The following DCAF17 variants were observed in gnomAD, a reference collection of about 807,000 sequenced individuals.
DCAF17 encodes the protein DDB1 and CUL4 associated factor 17.
Under a neutral mutation model 66.0 loss-of-function variants are expected in DCAF17, and 48 were observed. The ratio of observed to expected loss-of-function variants is 0.73; its 90% CI spans 0.58 to 0.92. DCAF17 has a LOEUF of 0.92. Among genes scored for constraint, DCAF17 ranks in the 40% least tolerant of loss-of-function variants. DCAF17 has a pLI of 0.00. For missense variants in DCAF17, 562 were observed against 622.8 expected, an observed-to-expected ratio of 0.90 and a Z score of 1.04; for synonymous variants, 206 against 214.6, an observed-to-expected ratio of 0.96 and a Z score of 0.35.
intron 9 of DCAF17, among the ~76,000 whole-genome samples, chr2:171,470,584 C>G (rs1696189390): frequency 1.3e-5 from 2 of 152,136 alleles, no homozygotes; most frequent in African/African-American, 2.4e-5. Context: ...GTGACGTTCT[C>G]TTTTATAAAG....
chr2:171,449,862 C>G lies in DCAF17; in HGVS notation c.459-17C>G. On this transcript the variant is annotated splice_polypyrimidine_tract_variant and intron_variant, in intron 4 of 13. Transcript: ENST00000375255. ...AACTGACCCAAATAAATAAACTTCTCTTCATTCTTTTAAAAGATACTTGAG... is the reference window on the plus strand; with the variant it reads ...AACTGACCCAAATAAATAAACTTCTGTTCATTCTTTTAAAAGATACTTGAG... The G allele has an allele frequency of 6.2e-7, 1 of 1,606,276 alleles. No homozygotes were observed. Among genetic ancestry groups the G allele is most frequent in the Non-Finnish European group, 8.5e-7 (1 of 1,174,662 alleles).
chr2:171,437,223 C>T (rs1298702031), intron 2 of DCAF17, among the ~76,000 whole-genome samples: 1 of 152,042 alleles, frequency 6.6e-6, no homozygotes, highest in Non-Finnish European at 1.5e-5. Flanking sequence ...AGTTTTAGCT[C>T]ATATTTAGGT....
At chr2:171,464,782 T>C (rs903423785) in intron 8 of DCAF17, among the ~76,000 whole-genome samples, 1 of 152,206 alleles carries the variant, frequency 6.6e-6, no homozygotes, top group Non-Finnish European at 1.5e-5. Flanking sequence ...TTAGCCGTTC[T>C]TTTTTGATTA....
At chr2:171,447,293 T>C in intron 3 of DCAF17, 1 of 236,478 alleles carries the variant, frequency 4.2e-6, no homozygotes, top group Non-Finnish European at 8.7e-6. Flanking sequence ...TAACTATGTC[T>C]TCATTCTTTT....
At chr2:171,455,003 A>G (rs998372968) in intron 6 of DCAF17, among the ~76,000 whole-genome samples, 1 of 151,018 alleles carries the variant, frequency 6.6e-6, no homozygotes, top group African/African-American at 2.4e-5. Flanking sequence ...TCAGGGGTAC[A>G]TGTGCATTAT....
intron 8 of DCAF17, among the ~76,000 whole-genome samples, chr2:171,467,541 T>C (rs1380470233): frequency 6.6e-6 from 1 of 151,774 alleles, no homozygotes; most frequent in Non-Finnish European, 1.5e-5. Context: ...AGACAAAAAC[T>C]AGCTGAGTGT....
chr2:171,474,155 C>T, intron 10 of DCAF17, 180 bp downstream of exon 10: 3 of 620,914 alleles, frequency 4.8e-6, no homozygotes, highest in Admixed American at 2.7e-5. Context: ...CTCAACATTA[C>T]TGTTTGTAAA....
intron 4 of DCAF17, 21 bp from the exon 5 acceptor site, chr2:171,449,858 T>TTC: frequency 6.2e-7 from 1 of 1,601,990 alleles, no homozygotes; most frequent in Non-Finnish European, 8.5e-7. Context: ...ATAAATAAAC[T>TTC]TCTCTTCATT....
chr2:171,473,274 G>A (rs979366157), intron 9 of DCAF17, among the ~76,000 whole-genome samples: 1 of 152,142 alleles, frequency 6.6e-6, no homozygotes, highest in African/African-American at 2.4e-5. Flanking sequence ...GAAAGTCCAT[G>A]GATTTTGGAG....
In DCAF17 at chr2:171,481,082, G is replaced by A; in HGVS notation, c.1531G>A (p.Glu511Lys). 3 of 1,613,704 alleles carry A rather than the reference G, an allele frequency of 1.9e-6. No homozygotes were observed. The highest frequency in any genetic ancestry group is 2.5e-6 in the Non-Finnish European group (3 of 1,179,658). ...YVYQMICDTG[E>K]EEETINRSC ...TTACCAGATGATATGTGACACTGGG[G>A]AAGAAGAAGAAACCATAAACAGAAG... The change falls in exon 14 of 14, where the codon GAA (glutamate) becomes AAA (lysine). Residue 511 changes from glutamate (E) to lysine (K), a missense_variant. Glu to Lys is a moderately conservative substitution (Grantham distance 56, BLOSUM62 1). Transcript: ENST00000375255.
Position 171,483,433 on chromosome 2 carries a change from A to C in DCAF17, c.*2319A>C. Reference sequence around the variant, plus strand: ...TGAAAAGAGGTGCATTCTGCATTGCACTCCTGGATCTAAGTTTCTGCATTC... The same window carrying C: ...TGAAAAGAGGTGCATTCTGCATTGCCCTCCTGGATCTAAGTTTCTGCATTC... On this transcript the variant is annotated 3_prime_UTR_variant, in exon 14 of 14. Coordinates refer to ENST00000375255, the MANE Select transcript of DCAF17 (RefSeq NM_025000.4). The C allele has an allele frequency of 2.2e-6, 1 of 454,026 alleles. No individual in the cohort carries two copies. Among genetic ancestry groups the C allele is most frequent in the Non-Finnish European group, 4.4e-6 (1 of 226,776 alleles). The allele number at this position is 454,026 out of a possible 1,614,324, so 28.1% of individuals were successfully genotyped here.
intron 8 of DCAF17, among the ~76,000 whole-genome samples, chr2:171,468,646 C>T (rs1696061355): frequency 6.6e-6 from 1 of 152,162 alleles, no homozygotes; most frequent in Non-Finnish European, 1.5e-5. Context: ...CTGCGGGCCA[C>T]ATATACCTCC....
chr2:171,459,921 TAAG>T (rs928130518), intron 8 of DCAF17, among the ~76,000 whole-genome samples: 41 of 152,170 alleles, frequency 2.7e-4, no homozygotes, highest in Admixed American at 2.6e-4. Flanking sequence ...AGCAATCTAT[TAAG>T]AATTTTAAAA....
rs1176642683 is a variant in DCAF17, at chr2:171,484,265, G to A, written c.*3151G>A. ...CCCAGGGAGCTAATTTCTGGTCCCT[G>A]TGTTGCTATCAAATCTGTATCTTGC... On this transcript the variant is annotated 3_prime_UTR_variant, in exon 14 of 14. Coordinates refer to ENST00000375255, the MANE Select transcript of DCAF17 (RefSeq NM_025000.4). 1.1e-5 allele frequency: 5 copies of A among 447,854 alleles called. No homozygotes were observed. Among genetic ancestry groups the A allele is most frequent in the Non-Finnish European group, 4.4e-6 (1 of 225,590 alleles). 27.7% of individuals were successfully genotyped at this position (447,854 alleles called of 1,614,324 possible).
intron 3 of DCAF17, among the ~76,000 whole-genome samples, chr2:171,448,382 C>G (rs747064360): frequency 6.6e-6 from 1 of 152,030 alleles, no homozygotes; most frequent in Non-Finnish European, 1.5e-5. Flanking sequence ...GCATCATTGT[C>G]TTCTACTGTT....
At chr2:171,478,889 G>GA (rs1696619386) in intron 12 of DCAF17, among the ~76,000 whole-genome samples, 2 of 152,144 alleles carry the variant, frequency 1.3e-5, no homozygotes, top group African/African-American at 4.8e-5. Context: ...CTGTATTCCA[G>GA]AAAGATGTAC....
At chr2:171,442,533 C>T (rs186272240) in intron 2 of DCAF17, among the ~76,000 whole-genome samples, 1 of 139,414 alleles carries the variant, frequency 7.2e-6, no homozygotes. Context: ...CATTGCTCTC[C>T]AGCCTGGGAG....
chr2:171,436,774 A>AT (rs147733426), intron 2 of DCAF17, among the ~76,000 whole-genome samples: 32,690 of 136,400 alleles, frequency 0.24, 3,912 homozygotes, highest in Admixed American at 0.28. Flanking sequence ...AGAGAGGTTA[A>AT]TTTTTTTTTT....
chr2:171,446,601 G>A (rs1559261581), intron 3 of DCAF17, among the ~76,000 whole-genome samples: 5 of 151,920 alleles, frequency 3.3e-5, no homozygotes. Flanking sequence ...GAATCTAAGT[G>A]ATAAACATTC....
Sources: gnomAD v4.1 joint callset for allele counts (sites outside exome capture counted in the v4.1 genomes callset) on GRCh38, gnomAD v4.1.1 for gene constraint, MANE v1.5 for transcripts, NCBI Gene and HGNC (gene_info 2026-07-23, HGNC 2026-07-21) for gene names.